ACOXL: variants seen among roughly 807,000 people sequenced by gnomAD.
ACOXL encodes acyl-coenzyme A oxidase-like protein.
In ACOXL, 70 loss-of-function variants were observed where a neutral mutation model predicts 71.9. The observed-to-expected ratio is 0.97, with a 90% CI of 0.80 to 1.19. ACOXL has a LOEUF of 1.19. Ranked by LOEUF, ACOXL falls within the 50% of genes most tolerant of loss-of-function variation. The pLI is 0.00. For missense variants in ACOXL, 703 were observed against 736.3 expected (o/e 0.95, Z 0.52); for synonymous variants, 253 against 281.6 (o/e 0.90, Z 1.02).
chr2:111,050,167 G>A (rs568721262), intron 16 of ACOXL, among the ~76,000 whole-genome samples: 1 of 151,986 alleles, frequency 6.6e-6, no homozygotes, highest in South Asian at 2.1e-4. Flanking sequence ...TCTTTACCAG[G>A]TGTCCTCTGA....
chr2:111,038,355 A>C (rs1005979037), intron 15 of ACOXL, among the ~76,000 whole-genome samples: 1 of 132,540 alleles, frequency 7.5e-6, no homozygotes, highest in Admixed American at 7.5e-5. Flanking sequence ...AAGCAAAATA[A>C]AATAAAAAAT....
chr2:110,912,037 A>G (rs563617843), intron 11 of ACOXL, among the ~76,000 whole-genome samples: 9 of 152,230 alleles, frequency 5.9e-5, no homozygotes, highest in African/African-American at 2.2e-4. Flanking sequence ...ATAAAAATCA[A>G]TTGTATTTCT....
At chr2:110,935,553 A>G (rs1031517567) in intron 12 of ACOXL, among the ~76,000 whole-genome samples, 1 of 152,076 alleles carries the variant, frequency 6.6e-6, no homozygotes, top group Admixed American at 6.5e-5. Context: ...AGCAGTGCGG[A>G]AATAACCCCA....
chr2:110,996,160 G>T (rs1428252888), intron 14 of ACOXL, among the ~76,000 whole-genome samples, 156 bp downstream of exon 14: 1 of 152,120 alleles, frequency 6.6e-6, no homozygotes, highest in African/African-American at 2.4e-5. Flanking sequence ...GCATGATACC[G>T]TTGCTTGCTC....
intron 10 of ACOXL, chr2:110,886,854 A>G (rs1697358695): frequency 5.8e-6 from 9 of 1,550,858 alleles, no homozygotes; most frequent in Non-Finnish European, 7.8e-6. Context: ...GGACCAGGCT[A>G]ATTTCCTGAA....
intron 12 of ACOXL, among the ~76,000 whole-genome samples, chr2:110,974,684 G>A (rs1466563482): frequency 1.3e-5 from 2 of 152,232 alleles, no homozygotes; most frequent in African/African-American, 4.8e-5. Context: ...CCAGGAAGGG[G>A]TGTCCTCTTC....
intron 14 of ACOXL, among the ~76,000 whole-genome samples, chr2:111,020,273 CTGGTTGCTGGGG>C (rs1230585111): frequency 3.9e-5 from 6 of 152,216 alleles, no homozygotes; most frequent in Non-Finnish European, 7.3e-5. Flanking sequence ...CCGTGCTGTG[CTGGTTGCTGGGG>C]TGGTTGCAGT....
chr2:110,813,767 T>C (rs1004976475), intron 9 of ACOXL, among the ~76,000 whole-genome samples: 14 of 152,134 alleles, frequency 9.2e-5, no homozygotes, highest in Admixed American at 7.2e-4. Flanking sequence ...CAAGCCACAG[T>C]CAAATAGTAA....
At chr2:110,768,583 G>T in intron 2 of ACOXL, 119 bp downstream of exon 2, 1 of 900,788 alleles carries the variant, frequency 1.1e-6, no homozygotes, top group South Asian at 1.7e-5. Flanking sequence ...GGGTATATGT[G>T]CAGGTTTGTT....
chr2:111,013,642 A>G (rs1283501174), intron 14 of ACOXL, among the ~76,000 whole-genome samples: 1 of 152,008 alleles, frequency 6.6e-6, no homozygotes, highest in Non-Finnish European at 1.5e-5. Flanking sequence ...ATTCCATAAC[A>G]ACAACGTTTC....
At chr2:110,829,555 G>A (rs773922862) in intron 9 of ACOXL, among the ~76,000 whole-genome samples, 17 of 152,178 alleles carry the variant, frequency 1.1e-4, no homozygotes, top group African/African-American at 2.4e-4. Flanking sequence ...GTAAATGATC[G>A]AGGGTGCTTT....
chr2:110,749,816 C>T (rs1438415146), intron 1 of ACOXL, among the ~76,000 whole-genome samples: 3 of 152,198 alleles, frequency 2.0e-5, no homozygotes, highest in Non-Finnish European at 2.9e-5. Flanking sequence ...CTCCAGGGTC[C>T]TATCCAGGAT....
chr2:111,089,743 C>T (rs997871633), intron 16 of ACOXL, among the ~76,000 whole-genome samples: 3 of 152,218 alleles, frequency 2.0e-5, no homozygotes, highest in Non-Finnish European at 4.4e-5. Context: ...TTCTTTCACT[C>T]ATTTATTCAA....
chr2:110,965,854 C>T (rs2061902571), intron 12 of ACOXL, among the ~76,000 whole-genome samples: 1 of 152,142 alleles, frequency 6.6e-6, no homozygotes, highest in Admixed American at 6.5e-5. Flanking sequence ...TCCTTATTGT[C>T]TCCCATATAT....
At chr2:111,013,033 T>A (rs1372790542) in intron 14 of ACOXL, among the ~76,000 whole-genome samples, 1 of 152,060 alleles carries the variant, frequency 6.6e-6, no homozygotes, top group Admixed American at 6.6e-5. Context: ...AATTTCTTGA[T>A]CCCTAGCAAG....
chr2:111,001,387 AAAAAC>A (rs138811808), intron 14 of ACOXL, among the ~76,000 whole-genome samples: 54,578 of 150,890 alleles, frequency 0.36, 10,492 homozygotes, highest in African/African-American at 0.49. Flanking sequence ...ACAAGTGGAG[AAAAAC>A]AAAACAAAAC....
intron 13 of ACOXL, among the ~76,000 whole-genome samples, chr2:110,990,256 A>T (rs1277565116): frequency 6.6e-6 from 1 of 152,106 alleles, no homozygotes; most frequent in Non-Finnish European, 1.5e-5. Flanking sequence ...TTCCATACAT[A>T]CTATATCCTT....
chr2:110,744,736 A>T (rs976518032), intron 1 of ACOXL, among the ~76,000 whole-genome samples: 1 of 152,162 alleles, frequency 6.6e-6, no homozygotes, highest in African/African-American at 2.4e-5. Context: ...TAGTCAATGA[A>T]ATAGGAGGGG....
At chr2:110,771,450 C>A (rs947842748) in intron 2 of ACOXL, among the ~76,000 whole-genome samples, 1 of 152,122 alleles carries the variant, frequency 6.6e-6, no homozygotes, top group Non-Finnish European at 1.5e-5. Flanking sequence ...CCGATGAGCT[C>A]TGAGGCAGAA....
Sources: allele counts gnomAD v4.1 joint callset (sites outside exome capture counted in the v4.1 genomes callset), GRCh38; gene constraint gnomAD v4.1.1; transcripts MANE v1.5; gene names NCBI Gene and HGNC (gene_info 2026-07-23, HGNC 2026-07-21).